The following TTF1 variants were observed in gnomAD, a reference collection of about 807,000 sequenced individuals.
TTF1 encodes the protein transcription termination factor 1, also known as transcription termination factor, RNA polymerase I.
Under a neutral mutation model 80.2 loss-of-function variants are expected in TTF1, and 64 were observed. That is an observed-to-expected ratio of 0.80 (90% CI 0.65 to 0.98). The LOEUF is 0.98. TTF1 is among the 50% of genes least tolerant of loss of function. The pLI is 0.00. For missense variants in TTF1, 1,023 were observed against 1,086.2 expected, an observed-to-expected ratio of 0.94 and a Z score of 0.82; for synonymous variants, 372 against 382.7, an observed-to-expected ratio of 0.97 and a Z score of 0.33.
rs950155190 is a variant in TTF1, at chr9:132,403,895, G to A, written c.-7-1067C>T. 5.3e-5 allele frequency among the ~76,000 whole-genome samples: 8 copies of A among 152,286 alleles called. No individual in the cohort carries two copies. The East Asian group carries it at 1.2e-3, about 22-fold the overall frequency. ...GCCTTGTTAGTGTCCAACAAAGAGC[G>A]GACGTTCTGCGATACACTGGAATAA... On this transcript the variant is annotated intron_variant, in intron 1 of 10. Coordinates refer to ENST00000334270, the MANE Select transcript of TTF1 (RefSeq NM_007344.4).
rs114865458 is a variant in TTF1 at position 132,406,012 on chromosome 9, T to C, written c.-8+778A>G. 3.1e-3 allele frequency among the ~76,000 whole-genome samples: 474 copies of C among 152,302 alleles called. 2 individuals are homozygous for C. Among genetic ancestry groups the C allele is most frequent in the African/African-American group, 0.011 (460 of 41,554 alleles). On this transcript the variant is annotated intron_variant, in intron 1 of 10. Transcript: ENST00000334270. ...TTCCCAACAACCAGCTGCTCCCCATTGCACTTTTGGCAGTTATAATATGAT... is the reference window on the plus strand; with the variant it reads ...TTCCCAACAACCAGCTGCTCCCCATCGCACTTTTGGCAGTTATAATATGAT...
intron 10 of TTF1, among the ~76,000 whole-genome samples, chr9:132,376,431 A>C (rs560648974): frequency 6.6e-6 from 1 of 152,344 alleles, no homozygotes; most frequent in East Asian, 1.9e-4. Context: ...CTTGGAATTC[A>C]TAAGGATTCA....
At position 132,392,067 on chromosome 9, in the gene TTF1, G is replaced by A. The variant is rs1849568733; in HGVS notation, c.1987+9C>T. 1.2e-6 allele frequency: 2 copies of A among 1,613,534 alleles called. No individual in the cohort carries two copies. Among genetic ancestry groups the A allele is most frequent in the African/African-American group, 1.3e-5 (1 of 74,902 alleles). Reference sequence around the variant, plus strand: ...TTCAGCGAGGTGGGCACTGGGGGCTGCCACTTACGACTGCTGATCTGTGAG... The same window carrying A: ...TTCAGCGAGGTGGGCACTGGGGGCTACCACTTACGACTGCTGATCTGTGAG... On this transcript the variant is annotated intron_variant, in intron 6 of 10. Transcript: ENST00000334270.
intron 3 of TTF1, among the ~76,000 whole-genome samples, chr9:132,398,889 C>T (rs1445314919): frequency 1.3e-5 from 2 of 152,176 alleles, no homozygotes; most frequent in East Asian, 3.9e-4. Context: ...CTCACTTGGC[C>T]TAGGTTTACT....
At chr9:132,377,908 ATG>A (rs147244551) in intron 10 of TTF1, among the ~76,000 whole-genome samples, 129 of 102,076 alleles carry the variant, frequency 1.3e-3, no homozygotes, top group Middle Eastern at 0.01. Flanking sequence ...GTGTGAGTGC[ATG>A]TGTGTGTGAG....
In TTF1 at chr9:132,401,788, T is replaced by G; in HGVS notation, c.1034A>C (p.Glu345Ala). Residue 345 changes from glutamate to alanine, a missense_variant, in exon 2 of 11, where the codon GAG becomes GCG. Coordinates refer to ENST00000334270, the MANE Select transcript of TTF1 (RefSeq NM_007344.4). Reference protein sequence around the residue: ...KKKKSNHQEFEAVAMPESLES... With the variant: ...KKKKSNHQEFAAVAMPESLES... ...GAGGCTCTCAGGCATGGCCACTGCC[T>G]CAAATTCCTGGTGATTGGACTTTTT... 1 of 1,614,230 alleles carries G rather than the reference T, an allele frequency of 6.2e-7. No individual in the cohort carries two copies. Among genetic ancestry groups the G allele is most frequent in the Non-Finnish European group, 8.5e-7 (1 of 1,180,050 alleles).
chr9:132,403,189 G>GA (rs1372921842), intron 1 of TTF1, among the ~76,000 whole-genome samples: 1 of 152,076 alleles, frequency 6.6e-6, no homozygotes, highest in Non-Finnish European at 1.5e-5. Flanking sequence ...AGCCTCAGCG[G>GA]AAAAAATCAC....
At chr9:132,378,108 T>G (rs1447518310) in intron 10 of TTF1, among the ~76,000 whole-genome samples, 8 of 58,538 alleles carry the variant, frequency 1.4e-4, no homozygotes, top group Non-Finnish European at 1.9e-4. Context: ...GTGCATGTGG[T>G]GTGTGTGAGT....
Position 132,398,263 on chromosome 9 carries a change from TC to T in TTF1, c.1654del (p.Glu552LysfsTer4), listed in dbSNP as rs1849693436. 1 of 1,609,610 alleles carries T rather than the reference TC, an allele frequency of 6.2e-7. No individual in the cohort carries two copies. The highest frequency in any genetic ancestry group is 1.7e-5 in the Admixed American group (1 of 58,626). ...KENKQLEKNV[E>X]DFLALTGIES... Reference sequence around the variant, plus strand: ...AATGCCTGTCAGGGCTAGAAAGTCTTCCACATTTTTCTCTAACTGCTTATTT... The same window carrying T: ...AATGCCTGTCAGGGCTAGAAAGTCTTCACATTTTTCTCTAACTGCTTATTT... On this transcript the variant is annotated frameshift_variant, in exon 4 of 11. Coordinates refer to ENST00000334270, the MANE Select transcript of TTF1 (RefSeq NM_007344.4). LOFTEE classifies it high-confidence loss of function.
Position 132,401,826 on chromosome 9 carries a change from AG to A in TTF1, c.995del (p.Ser332LeufsTer91). On this transcript the variant is annotated frameshift_variant, in exon 2 of 11. Coordinates refer to ENST00000334270, the MANE Select transcript of TTF1 (RefSeq NM_007344.4). LOFTEE classifies it high-confidence loss of function. ...GIPAPAYKNK[S>X]KKKKKKSNHQ... is the part of the protein sequence containing the mutation. Reference sequence around the variant, plus strand: ...GATTGGACTTTTTCTTTTTTTTCTTAGACTTGTTTTTATAAGCAGGTGCTGG... The same window carrying A: ...GATTGGACTTTTTCTTTTTTTTCTTAACTTGTTTTTATAAGCAGGTGCTGG... 1.2e-6 allele frequency: 2 copies of A among 1,611,062 alleles called. No individual in the cohort carries two copies. The highest frequency in any genetic ancestry group is 1.7e-6 in the Non-Finnish European group (2 of 1,179,444).
chr9:132,392,455 G>A (rs1849576678), intron 5 of TTF1, among the ~76,000 whole-genome samples: 2 of 152,168 alleles, frequency 1.3e-5, no homozygotes, highest in African/African-American at 2.4e-5. Context: ...CCCTTCTTCA[G>A]CTCAGAGCCT....
intron 10 of TTF1, among the ~76,000 whole-genome samples, chr9:132,377,156 T>C (rs562468732): frequency 1.1e-4 from 16 of 143,496 alleles, no homozygotes; most frequent in Non-Finnish European, 2.4e-4. Flanking sequence ...AGTGCATGCA[T>C]GTGGTGAGTG....
chr9:132,382,469 A>G lies in TTF1; in HGVS notation c.2379-3325T>C, dbSNP rs566825844. ...CTTGTGACGTAATGCAGTGATAGCA[A>G]ACATCAGGAATATGCTGTACTCCTG... On this transcript the variant is annotated intron_variant, in intron 9 of 10. Transcript: ENST00000334270. Among the ~76,000 whole-genome samples, 15 of 152,340 alleles carry G rather than the reference A, an allele frequency of 9.8e-5. No individual in the cohort carries two copies. The South Asian group carries it at 2.9e-3, about 29-fold the overall frequency.
chr9:132,381,313 C>T lies in TTF1; in HGVS notation c.2379-2169G>A, dbSNP rs140457618. Among the ~76,000 whole-genome samples the T allele has an allele frequency of 3.7e-4, 56 of 152,008 alleles. 1 individual carries two copies. The East Asian group carries it at 9.1e-3, about 25-fold the overall frequency. On this transcript the variant is annotated intron_variant, in intron 9 of 10. Transcript: ENST00000334270. ...GGTTCAAGCAATTCTGCCTCAGCCTCCCCAGTAGCTGGGATTACAGGTACC... is the reference window on the plus strand; with the variant it reads ...GGTTCAAGCAATTCTGCCTCAGCCTTCCCAGTAGCTGGGATTACAGGTACC...
At position 132,402,762 on chromosome 9, in the gene TTF1, T is replaced by C. The variant is rs1849791798; in HGVS notation, c.60A>G (p.Lys20=). 2 of 1,602,190 alleles carry C rather than the reference T, an allele frequency of 1.2e-6. No homozygotes were observed. Among genetic ancestry groups the C allele is most frequent in the Non-Finnish European group, 1.7e-6 (2 of 1,177,194 alleles). ...IHTPVSDKKK[K]KCSIHKERPQ... ...GTCTTTCCTTATGTATAGAACACTT[T>C]TTCTTTTTCTTGTCAGAAACTGGAG... Residue 20 remains lysine (K), a synonymous_variant, in exon 2 of 11, where the codon AAA becomes AAG. Transcript: ENST00000334270.
rs1187690779 is a variant in TTF1, at chr9:132,375,823, C to G, written c.*92G>C. On this transcript the variant is annotated 3_prime_UTR_variant, in exon 11 of 11. Transcript: ENST00000334270. The stretch of plus-strand genomic sequence containing the variant: ...TCAGCCTCCCAAGTAGTTGAAATTA[C>G]AGGTGTGCACTACCACACCCGGCTA... 1.4e-6 allele frequency: 1 copy of G among 730,946 alleles called. No homozygotes were observed. The highest frequency in any genetic ancestry group is 2.2e-6 in the Non-Finnish European group (1 of 451,436). 45.3% of individuals were successfully genotyped at this position (730,946 alleles called of 1,614,324 possible).
intron 10 of TTF1, among the ~76,000 whole-genome samples, chr9:132,377,703 GGTGT>G (rs1252811074): frequency 2.6e-4 from 28 of 108,950 alleles, no homozygotes; most frequent in East Asian, 5.8e-4. Context: ...GAGTGCATGT[GGTGT>G]GTGTGAGTGC....
intron 7 of TTF1, among the ~76,000 whole-genome samples, chr9:132,390,021 G>A (rs1393932367): frequency 1.3e-5 from 2 of 152,196 alleles, no homozygotes; most frequent in Admixed American, 1.3e-4. Context: ...TGTTGCCCAG[G>A]CTGGAGTGCA....
chr9:132,376,006 T>C lies in TTF1; in HGVS notation c.2627A>G (p.Asp876Gly). The C allele has an allele frequency of 1.2e-6, 2 of 1,614,198 alleles. No individual in the cohort carries two copies. The highest frequency in any genetic ancestry group is 1.1e-5 in the South Asian group (1 of 91,086). The change falls in exon 11 of 11, where the codon GAC becomes GGC. Residue 876 changes from aspartate (D) to glycine (G), a missense_variant. Transcript: ENST00000334270. ...CTGGCCTTCGCTTTCTTTTTCTATG[T>C]CCTCTCCTTCACTATCGTCTTCATA... ...FYYEDDSEGE[D>G]IEKESEGQAP...
Sources: allele counts gnomAD v4.1 joint callset (sites outside exome capture counted in the v4.1 genomes callset), GRCh38; gene constraint gnomAD v4.1.1; transcripts MANE v1.5; gene names NCBI Gene and HGNC (gene_info 2026-07-23, HGNC 2026-07-21).